Variants in TMC1 observed in about 807,000 individuals in gnomAD.
TMC1 encodes the protein transmembrane channel-like protein 1.
A neutral mutation model predicts 105.8 loss-of-function variants in TMC1; 84 were observed. The observed-to-expected ratio is 0.79, with a 90% confidence interval of 0.67 to 0.95. The LOEUF (loss-of-function observed/expected upper bound fraction) is 0.95. TMC1 is among the 40% of genes least tolerant of loss of function. The pLI, the probability that TMC1 is intolerant of heterozygous loss-of-function variation, is 0.00. For missense variants in TMC1, 817 were observed against 914.1 expected (o/e 0.89, Z 1.37); for synonymous variants, 315 against 311.5 (o/e 1.01, Z -0.12).
chr9:72,739,020 A>AGTTGTTTC lies in TMC1; in HGVS notation c.363-1099_363-1098insGTTGTTTC, dbSNP rs1404110012. Among the ~76,000 whole-genome samples the AGTTGTTTC allele has an allele frequency of 9.4e-4, 143 of 152,304 alleles. 1 individual carries two copies. Among genetic ancestry groups the AGTTGTTTC allele is most frequent in the African/African-American group, 3.2e-3 (135 of 41,566 alleles). ...GTAAATTGTTTTTCAAACAAACAAC[A>AGTTGTTTC]AAAATGACTGTCCCAGTCAGTTCAA... is the stretch of plus-strand genomic sequence containing the variant. On this transcript the variant is annotated intron_variant, in intron 8 of 23. Coordinates refer to ENST00000297784, the MANE Select transcript of TMC1 (RefSeq NM_138691.3).
chr9:72,558,723 A>G (rs1242755707), intron 1 of TMC1, among the ~76,000 whole-genome samples: 1 of 152,176 alleles, frequency 6.6e-6, no homozygotes, highest in African/African-American at 2.4e-5. Context: ...GAGTTATTTT[A>G]AAGCACTTTA....
At chr9:72,552,137 G>A (rs991102611) in intron 1 of TMC1, among the ~76,000 whole-genome samples, 11 of 152,170 alleles carry the variant, frequency 7.2e-5, no homozygotes, top group African/African-American at 2.7e-4. Context: ...TGATCACACT[G>A]GTGAGGAAGG....
chr9:72,644,410 G>C (rs1825676398), intron 4 of TMC1, among the ~76,000 whole-genome samples: 6 of 151,818 alleles, frequency 4.0e-5, no homozygotes. Flanking sequence ...TTGGGTCTAT[G>C]GTCCATTTTG....
Position 72,601,887 on chromosome 9 carries a change from A to G in TMC1, c.-305-14481A>G, listed in dbSNP as rs961520944. On this transcript the variant is annotated intron_variant, in intron 2 of 23. Transcript: ENST00000297784. ...ATTCTTGGGACCAGAAGTATTTCAG[A>G]TTTCAGATTATTTTGGATTTTGAAA... is the stretch of plus-strand genomic sequence containing the variant. Among the ~76,000 whole-genome samples the G allele has an allele frequency of 2.1e-4, 32 of 152,318 alleles. 1 individual carries two copies. The highest frequency in any genetic ancestry group is 4.1e-4 in the South Asian group (2 of 4,826).
chr9:72,576,632 T>C (rs1260176814), intron 1 of TMC1, among the ~76,000 whole-genome samples: 56 of 83,264 alleles, frequency 6.7e-4, no homozygotes, highest in African/African-American at 2.9e-3. Context: ...TTTTTTTTTT[T>C]CTTTTTTTTT....
chr9:72,591,915 G>T (rs775611592), intron 2 of TMC1, among the ~76,000 whole-genome samples: 1 of 152,142 alleles, frequency 6.6e-6, no homozygotes, highest in African/African-American at 2.4e-5. Flanking sequence ...TTAGTAGGTC[G>T]TGGATGGGGC....
chr9:72,627,823 A>G (rs1186052900), intron 3 of TMC1, 98 bp from the exon 4 acceptor site: 2 of 348,690 alleles, frequency 5.7e-6, no homozygotes, highest in African/African-American at 4.3e-5. Flanking sequence ...CATAGAATAT[A>G]TTGTATTTAA....
intron 2 of TMC1, among the ~76,000 whole-genome samples, chr9:72,582,384 T>TC (rs1218598419): frequency 2.6e-5 from 4 of 152,086 alleles, no homozygotes; most frequent in Admixed American, 2.0e-4. Flanking sequence ...CTCCCTACCT[T>TC]CCCCCCAGCC....
chr9:72,755,544 A>T (rs756460960), intron 12 of TMC1, among the ~76,000 whole-genome samples: 2 of 152,198 alleles, frequency 1.3e-5, no homozygotes, highest in Non-Finnish European at 2.9e-5. Context: ...GATTATTACT[A>T]TGGAAAGGAG....
chr9:72,831,796 C>T (rs1037498604), intron 23 of TMC1, among the ~76,000 whole-genome samples: 16 of 151,956 alleles, frequency 1.1e-4, no homozygotes. Context: ...CATAGTATTC[C>T]ATGGTGTATA....
chr9:72,522,018 T>A (rs1823320551), intron 1 of TMC1, 105 bp downstream of exon 1: 1 of 152,334 alleles, frequency 6.6e-6, no homozygotes, highest in South Asian at 2.1e-4. Flanking sequence ...TATTCCCTAA[T>A]CACATTAGTG....
At chr9:72,641,463 G>A (rs999589103) in intron 4 of TMC1, among the ~76,000 whole-genome samples, 6 of 152,164 alleles carry the variant, frequency 3.9e-5, no homozygotes, top group Non-Finnish European at 7.3e-5. Flanking sequence ...CTGTCCTCCA[G>A]TAGAAAAAGC....
rs1335567171 is a variant in TMC1 at position 72,700,562 on chromosome 9, C to T, written c.281C>T (p.Ala94Val). 6.2e-7 allele frequency: 1 copy of T among 1,603,100 alleles called. No homozygotes were observed. Among genetic ancestry groups the T allele is most frequent in the East Asian group, 2.2e-5 (1 of 44,446 alleles). The change falls in exon 8 of 24, where the codon GCA (alanine) becomes GTA (valine). Residue 94 changes from alanine (A) to valine (V), a missense_variant. By Grantham distance (64) the Ala-to-Val change is moderately conservative. Coordinates refer to ENST00000297784, the MANE Select transcript of TMC1 (RefSeq NM_138691.3). ...IDEEELERLKAELDEKRQIIA... is the reference protein window; with the variant it reads ...IDEEELERLKVELDEKRQIIA... ...GAAGAGGAATTGGAAAGATTGAAGG[C>T]AGAGTTAGATGAGAAAAGACAAATA...
At chr9:72,743,390 AT>A (rs1465837053) in intron 10 of TMC1, among the ~76,000 whole-genome samples, 4 of 150,420 alleles carry the variant, frequency 2.7e-5, no homozygotes, top group Admixed American at 6.6e-5. Flanking sequence ...AATAAAAAAA[AT>A]AAAAAATAAA....
chr9:72,598,590 C>T, intron 2 of TMC1, among the ~76,000 whole-genome samples: 1 of 152,146 alleles, frequency 6.6e-6, no homozygotes, highest in East Asian at 1.9e-4. Context: ...CCTGATAATA[C>T]AATTACTAAA....
chr9:72,792,149 C>A, intron 16 of TMC1, 42 bp from the exon 17 acceptor site: 4 of 1,613,754 alleles, frequency 2.5e-6, no homozygotes, highest in Non-Finnish European at 2.5e-6. Flanking sequence ...CCTTTGAAAT[C>A]TCTGTTGTCT....
intron 8 of TMC1, among the ~76,000 whole-genome samples, chr9:72,704,946 G>C (rs1826709992): frequency 6.6e-6 from 1 of 152,076 alleles, no homozygotes; most frequent in Admixed American, 6.6e-5. Context: ...AGTGTGTGTA[G>C]GGAGTTGGAG....
chr9:72,808,476 AT>A (rs1439790163), intron 18 of TMC1, among the ~76,000 whole-genome samples: 1 of 152,174 alleles, frequency 6.6e-6, no homozygotes, highest in African/African-American at 2.4e-5. Flanking sequence ...TCTTCATAAG[AT>A]GTGCATCTAT....
At chr9:72,779,807 G>C (rs374259885) in intron 13 of TMC1, among the ~76,000 whole-genome samples, 9 of 152,172 alleles carry the variant, frequency 5.9e-5, no homozygotes, top group African/African-American at 1.7e-4. Context: ...CTGAAAGAGA[G>C]GGGGAGAGAG....
Sources: gnomAD v4.1 joint callset for allele counts (sites outside exome capture counted in the v4.1 genomes callset) on GRCh38, gnomAD v4.1.1 for gene constraint, MANE v1.5 for transcripts, NCBI Gene and HGNC (gene_info 2026-07-23, HGNC 2026-07-21) for gene names.